The following MTBP variants were observed in gnomAD, a reference collection of about 807,000 sequenced individuals.
MTBP encodes the protein mdm2-binding protein.
In MTBP, 101 loss-of-function variants were observed where a neutral mutation model predicts 117.0. That is an observed-to-expected ratio of 0.86 (90% CI 0.73 to 1.02). The LOEUF (loss-of-function observed/expected upper bound fraction) is 1.02, where lower values mean the gene tolerates loss of function less well. MTBP is among the 50% of genes least tolerant of loss of function. The probability of loss-of-function intolerance (pLI) is 0.00; values close to 1 mark genes in which losing one functional copy is unlikely to be tolerated. For synonymous variants in MTBP, 350 were observed against 351.5 expected (o/e 1.00, Z 0.05); for missense variants, 970 against 1,030.9 (o/e 0.94, Z 0.81).
rs1429411746 is a variant in MTBP at position 120,518,732 on chromosome 8, T to C, written c.2525T>C (p.Leu842Pro). 1 of 1,610,580 alleles carries C rather than the reference T, an allele frequency of 6.2e-7. No homozygotes were observed. Among genetic ancestry groups the C allele is most frequent in the East Asian group, 2.2e-5 (1 of 44,782 alleles). The change falls in exon 20 of 22, where the codon CTG becomes CCG. Residue 842 changes from leucine to proline, a missense_variant. Physicochemically the swap from Leu to Pro is moderately conservative, Grantham distance 98 (BLOSUM62 -3). Transcript: ENST00000305949. Reference protein sequence around the residue: ...RILKEVVTETLKKHSITETHE... With the variant: ...RILKEVVTETPKKHSITETHE... ...CTGAAAGAAGTAGTTACTGAAACCC[T>C]GAAGAAACACAGTATTACCGAGACT...
At chr8:120,523,031 A>G (rs1379375149) in intron 21 of MTBP, among the ~76,000 whole-genome samples, 3 of 152,174 alleles carry the variant, frequency 2.0e-5, no homozygotes, top group African/African-American at 7.2e-5. Context: ...TTGATTGACC[A>G]TTTGAAACAT....
At position 120,459,268 on chromosome 8, in the gene MTBP, GA is replaced by G. The variant is rs1234205779; in HGVS notation, c.803del (p.Asn268IlefsTer7). 1 of 1,610,778 alleles carries G rather than the reference GA, an allele frequency of 6.2e-7. No individual in the cohort carries two copies. Among genetic ancestry groups the G allele is most frequent in the African/African-American group, 1.3e-5 (1 of 74,804 alleles). ...EFCLKGVTLK[N>X]FSTSNLNTDF... ...TTTGTTTAAAGGGAGTCACACTTAA[GA>G]ATTTTAGTACTTCTAATTTAAATAC... is the stretch of plus-strand genomic sequence containing the variant. On this transcript the variant is annotated frameshift_variant, in exon 8 of 22. Coordinates refer to ENST00000305949, the MANE Select transcript of MTBP (RefSeq NM_022045.5). LOFTEE classifies it high-confidence loss of function.
intron 11 of MTBP, chr8:120,471,552 C>T (rs188562970): frequency 5.9e-5 from 9 of 152,414 alleles, no homozygotes; most frequent in Non-Finnish European, 1.2e-4. Flanking sequence ...ATTCACCTGC[C>T]TCCGCCTCCC....
intron 14 of MTBP, among the ~76,000 whole-genome samples, chr8:120,501,297 G>C (rs10086640): frequency 0.52 from 78,677 of 150,680 alleles, 23,493 homozygotes; most frequent in Non-Finnish European, 0.67. Context: ...GGGAGGCGGA[G>C]CTTGCAGTGA....
chr8:120,496,283 A>G (rs1814455853), intron 13 of MTBP, among the ~76,000 whole-genome samples: 1 of 152,182 alleles, frequency 6.6e-6, no homozygotes, highest in Non-Finnish European at 1.5e-5. Context: ...AGGGGAGCTG[A>G]AAGTGTTAAC....
At chr8:120,469,008 G>A (rs946797067) in intron 10 of MTBP, among the ~76,000 whole-genome samples, 4 of 151,976 alleles carry the variant, frequency 2.6e-5, no homozygotes, top group Non-Finnish European at 5.9e-5. Flanking sequence ...AGCTTATGAG[G>A]CACCTACTTA....
intron 11 of MTBP, among the ~76,000 whole-genome samples, chr8:120,482,530 A>T (rs903707044): frequency 3.3e-5 from 5 of 152,130 alleles, no homozygotes; most frequent in African/African-American, 1.2e-4. Flanking sequence ...TAGCTTTCAA[A>T]TTGTGTATTT....
chr8:120,502,674 GTTAAA>G (rs1453868061), intron 15 of MTBP, 65 bp downstream of exon 15: 8 of 964,136 alleles, frequency 8.3e-6, no homozygotes, highest in Middle Eastern at 2.7e-4. Context: ...TTTTAAAATA[GTTAAA>G]TTATGTTTAT....
intron 2 of MTBP, among the ~76,000 whole-genome samples, chr8:120,450,020 T>C (rs531231054): frequency 2.0e-4 from 31 of 152,294 alleles, no homozygotes; most frequent in African/African-American, 7.5e-4. Flanking sequence ...AAGATGAATT[T>C]AAAGGGACCC....
At position 120,447,952 on chromosome 8, in the gene MTBP, G is replaced by A. The variant is rs757532547; in HGVS notation, c.199+1439G>A. Among the ~76,000 whole-genome samples, 23 of 151,460 alleles carry A rather than the reference G, an allele frequency of 1.5e-4. 1 individual carries two copies. The highest frequency in any genetic ancestry group is 6.8e-3 in the Middle Eastern group (2 of 292). On this transcript the variant is annotated intron_variant, in intron 2 of 21. Coordinates refer to ENST00000305949, the MANE Select transcript of MTBP (RefSeq NM_022045.5). ...TTTTTTTTTTCTTTTTTTGAGACAG[G>A]GTCCCACTTTGTTGCTCAGGCTGGA... is the stretch of plus-strand genomic sequence containing the variant.
At chr8:120,463,444 T>G (rs1813622141) in intron 9 of MTBP, among the ~76,000 whole-genome samples, 1 of 152,144 alleles carries the variant, frequency 6.6e-6, no homozygotes, top group South Asian at 2.1e-4. Context: ...TTTTATAAAT[T>G]TCTTGTTCTT....
intron 17 of MTBP, among the ~76,000 whole-genome samples, chr8:120,511,010 G>A (rs1433699889): frequency 1.3e-5 from 2 of 152,118 alleles, no homozygotes; most frequent in Non-Finnish European, 2.9e-5. Context: ...TGTATGAAAT[G>A]CTAATTTGAA....
Position 120,510,006 on chromosome 8 carries a change from A to AGTATGT in MTBP, c.1957_1962dup (p.Val653_Cys654dup). 2 of 1,611,576 alleles carry AGTATGT rather than the reference A, an allele frequency of 1.2e-6. No individual in the cohort carries two copies. The highest frequency in any genetic ancestry group is 1.7e-6 in the Non-Finnish European group (2 of 1,178,470). On this transcript the variant is annotated inframe_insertion, in exon 17 of 22. Coordinates refer to ENST00000305949, the MANE Select transcript of MTBP (RefSeq NM_022045.5). ...AGGTCTTACCTTTTGAGAAAGCCTC[A>AGTATGT]GTATGTCATTATCATGGAATTGAGT...
rs1813339044 is a variant in MTBP, at chr8:120,451,296, TAGC to T, written c.402_404del (p.Ser134del). 5.0e-6 allele frequency: 8 copies of T among 1,613,166 alleles called. No homozygotes were observed. The highest frequency in any genetic ancestry group is 5.9e-6 in the Non-Finnish European group (7 of 1,179,372). On this transcript the variant is annotated inframe_deletion, in exon 4 of 22. Coordinates refer to ENST00000305949, the MANE Select transcript of MTBP (RefSeq NM_022045.5). ...AGTGTTTTGAAGAAGAAGACAGTAATAGCAGGGAATCATTATCCTTGGCTGAGT... is the reference window on the plus strand; with the variant it reads ...AGTGTTTTGAAGAAGAAGACAGTAATAGGGAATCATTATCCTTGGCTGAGT...
chr8:120,507,655 A>T (rs1814715427), intron 16 of MTBP, among the ~76,000 whole-genome samples: 1 of 152,172 alleles, frequency 6.6e-6, no homozygotes, highest in Admixed American at 6.5e-5. Flanking sequence ...GAGTTATTTG[A>T]AGGCAGTTAT....
intron 18 of MTBP, 74 bp downstream of exon 18, chr8:120,516,265 A>G (rs1034391420): frequency 2.4e-6 from 3 of 1,274,436 alleles, no homozygotes; most frequent in African/African-American, 1.5e-5. Context: ...ATTTTATTTT[A>G]TATTAGTCTT....
rs781293903 is a variant in MTBP, at chr8:120,455,427, CT to C, written c.485-5del. On this transcript the variant is annotated splice_polypyrimidine_tract_variant and splice_region_variant and intron_variant, in intron 5 of 21. Coordinates refer to ENST00000305949, the MANE Select transcript of MTBP (RefSeq NM_022045.5). Reference sequence around the variant, plus strand: ...AAAAATTACAAAAATGCCTTTTTCTCTTTCTAGGTAGAGCAATGGTAGATAT... The same window carrying C: ...AAAAATTACAAAAATGCCTTTTTCTCTTCTAGGTAGAGCAATGGTAGATAT... The C allele has an allele frequency of 4.5e-6, 7 of 1,569,054 alleles. No homozygotes were observed. In the African/African-American group the frequency reaches 8.3e-5, roughly 19 times the overall value.
At chr8:120,461,705 T>A (rs1310374362) in intron 9 of MTBP, among the ~76,000 whole-genome samples, 1 of 152,184 alleles carries the variant, frequency 6.6e-6, no homozygotes, top group South Asian at 2.1e-4. Flanking sequence ...GTATATATTT[T>A]ATGTGCTTTT....
Position 120,509,923 on chromosome 8 carries a change from T to G in MTBP, c.1884-11T>G. On this transcript the variant is annotated splice_polypyrimidine_tract_variant and intron_variant, in intron 16 of 21. Coordinates refer to ENST00000305949, the MANE Select transcript of MTBP (RefSeq NM_022045.5). ...AAACTTTGAATACAAATGAAAAATTTTTTGTTTCAGGGAAAAGACTTTTGT... is the reference window on the plus strand; with the variant it reads ...AAACTTTGAATACAAATGAAAAATTGTTTGTTTCAGGGAAAAGACTTTTGT... 6.3e-7 allele frequency: 1 copy of G among 1,593,484 alleles called. No homozygotes were observed. Among genetic ancestry groups the G allele is most frequent in the South Asian group, 1.1e-5 (1 of 87,946 alleles).
Sources: allele counts gnomAD v4.1 joint callset (sites outside exome capture counted in the v4.1 genomes callset), GRCh38; gene constraint gnomAD v4.1.1; transcripts MANE v1.5; gene names NCBI Gene and HGNC (gene_info 2026-07-23, HGNC 2026-07-21).